The following C21orf58 variants were observed in gnomAD, a reference collection of about 807,000 sequenced individuals.
C21orf58 encodes the protein chromosome 21 open reading frame 58.
C21orf58 carries 34 observed loss-of-function variants against 35.8 expected under a neutral mutation model. The observed-to-expected ratio is 0.95, with a 90% CI of 0.72 to 1.26. C21orf58 has a LOEUF of 1.26. Among genes scored for constraint, C21orf58 ranks in the 50% most tolerant of loss-of-function variants. The probability of loss-of-function intolerance (pLI) is 0.00; values close to 1 mark genes in which losing one functional copy is unlikely to be tolerated. For synonymous variants in C21orf58, 191 were observed against 175.8 expected, an observed-to-expected ratio of 1.09 and a Z score of -0.68; for missense variants, 440 against 414.3, an observed-to-expected ratio of 1.06 and a Z score of -0.54.
At chr21:46,300,982 G>T, downstream of C21orf58, 1 of 780,226 alleles carries the variant, frequency 1.3e-6, no homozygotes. Context: ...TGAGGGGAGT[G>T]AGCCGCCCTT....
In C21orf58 at chr21:46,318,659, G is replaced by T. The variant is rs139837262; in HGVS notation, c.101-439C>A. On this transcript the variant is annotated intron_variant, in intron 1 of 7. Transcript: ENST00000291691. The stretch of plus-strand genomic sequence containing the variant: ...AGACACTGGGAGGACAGGGTGAGGA[G>T]ACTGCCTACCAAGGAGTTCAGGAAA... 1,029 of 1,072,192 alleles carry T rather than the reference G, an allele frequency of 9.6e-4. 8 individuals carry two copies. Among genetic ancestry groups the T allele is most frequent in the Middle Eastern group, 8.0e-3 (18 of 2,252 alleles). 66.4% of individuals were successfully genotyped at this position (1,072,192 alleles called of 1,614,324 possible).
In C21orf58 at chr21:46,323,671, C is replaced by G. The variant is rs76328736; in HGVS notation, c.-933G>C. 1 of 174,628 alleles carries G rather than the reference C, an allele frequency of 5.7e-6. No individual in the cohort carries two copies. The highest frequency in any genetic ancestry group is 1.2e-5 in the Non-Finnish European group (1 of 81,250). 10.8% of individuals were successfully genotyped at this position (174,628 alleles called of 1,614,324 possible). On this transcript the variant is annotated 5_prime_UTR_variant, in exon 1 of 8. Transcript: ENST00000291691. Reference sequence around the variant, plus strand: ...CCCCTGAGATCCACCTCAGCAGCCTCCTCCGTGGTAGGCCTCAACTTCCCG... The same window carrying G: ...CCCCTGAGATCCACCTCAGCAGCCTGCTCCGTGGTAGGCCTCAACTTCCCG...
Position 46,302,583 on chromosome 21 carries a change from G to A in C21orf58, c.722-7C>T, listed in dbSNP as rs376361315. On this transcript the variant is annotated splice_polypyrimidine_tract_variant and splice_region_variant and intron_variant, in intron 6 of 7. Transcript: ENST00000291691. ...AGCAGCAGCTCCACCATGTCTGCAG[G>A]GAAGAAGCAGGGGGACCCTGAATAA... The A allele has an allele frequency of 3.4e-5, 54 of 1,606,136 alleles. No individual in the cohort carries two copies. In the African/African-American group the frequency reaches 6.3e-4, roughly 19 times the overall value.
intron 7 of C21orf58, 149 bp downstream of exon 7, chr21:46,302,336 G>C: frequency 8.8e-7 from 1 of 1,136,934 alleles, no homozygotes; most frequent in Non-Finnish European, 1.2e-6. Context: ...TCTGGGCTGG[G>C]ACTCGATGGG....
At position 46,322,817 on chromosome 21, in the gene C21orf58, G is replaced by A; in HGVS notation, c.-79C>T. On this transcript the variant is annotated 5_prime_UTR_variant, in exon 1 of 8. Coordinates refer to ENST00000291691, the MANE Select transcript of C21orf58 (RefSeq NM_058180.5). The stretch of plus-strand genomic sequence containing the variant: ...TCTGAGCGAGATTCCAGGGCTTCCT[G>A]AGGGCGCGTTTAAGTTGCAGTTGCT... The A allele has an allele frequency of 9.7e-7, 1 of 1,027,644 alleles. No individual in the cohort carries two copies. Among genetic ancestry groups the A allele is most frequent in the Non-Finnish European group, 1.3e-6 (1 of 760,380 alleles). 63.7% of individuals were successfully genotyped at this position (1,027,644 alleles called of 1,614,324 possible). A position where few individuals can be genotyped will look rare whatever the true frequency, so the allele number is the denominator to read the frequency against.
At chr21:46,318,573 C>T (rs1277317559) in intron 1 of C21orf58, 22 of 1,186,318 alleles carry the variant, frequency 1.9e-5, no homozygotes, top group Non-Finnish European at 2.3e-5. Context: ...TGTACTGCCT[C>T]CAGGGTGTTA....
rs892273978 is a variant in C21orf58, at chr21:46,302,123, C to T, written c.845G>A (p.Arg282Gln). Residue 282 changes from arginine (R) to glutamine (Q), a missense_variant, in exon 8 of 8, where the codon CGA (arginine) becomes CAA (glutamine). Arg to Gln is a conservative substitution (Grantham distance 43). Coordinates refer to ENST00000291691, the MANE Select transcript of C21orf58 (RefSeq NM_058180.5). ...DPPHVPPRVP[R>Q]AARPRLPAVH... ...GGCAGGCAGCCTTGGCCTGGCAGCT[C>T]GTGGGACCCTCGGGGGCACATGTGG... 33 of 1,519,714 alleles carry T rather than the reference C, an allele frequency of 2.2e-5. No individual in the cohort carries two copies. The highest frequency in any genetic ancestry group is 5.6e-5 in the African/African-American group (4 of 72,014). 94.1% of individuals were successfully genotyped at this position (1,519,714 alleles called of 1,614,324 possible).
At chr21:46,309,121 C>G (rs1007326917) in intron 6 of C21orf58, among the ~76,000 whole-genome samples, 4 of 152,082 alleles carry the variant, frequency 2.6e-5, no homozygotes, top group Non-Finnish European at 5.9e-5. Context: ...GAGTTCGAGA[C>G]CAGTCTGGCC....
In C21orf58 at chr21:46,311,453, T is replaced by C; in HGVS notation, c.721+3A>G. On this transcript the variant is annotated splice_donor_region_variant and intron_variant, in intron 6 of 7. Transcript: ENST00000291691. ...CACAACAATATGAATATGGAACACT[T>C]ACCTTCCTTAATACTTCCTGACCGT... 1 of 1,540,714 alleles carries C rather than the reference T, an allele frequency of 6.5e-7. No individual in the cohort carries two copies. Among genetic ancestry groups the C allele is most frequent in the South Asian group, 1.2e-5 (1 of 85,254 alleles).
At chr21:46,321,766 A>G (rs534758641) in intron 1 of C21orf58, among the ~76,000 whole-genome samples, 17 of 151,864 alleles carry the variant, frequency 1.1e-4, no homozygotes, top group African/African-American at 4.1e-4. Flanking sequence ...TTTTCTCCAC[A>G]ATAAAGTGGC....
chr21:46,318,737 GC>G (rs1216703850), intron 1 of C21orf58: 1 of 1,000,362 alleles, frequency 1.0e-6, no homozygotes, highest in Non-Finnish European at 1.2e-6. Context: ...CTGCAGAGGG[GC>G]TGGGCTTTAG....
chr21:46,304,314 G>A (rs187925128), intron 6 of C21orf58, among the ~76,000 whole-genome samples: 22 of 152,120 alleles, frequency 1.4e-4, no homozygotes, highest in African/African-American at 5.3e-4. Flanking sequence ...ACAGGCGTGA[G>A]CCACTGCGCC....
chr21:46,322,743 C>A lies in C21orf58; in HGVS notation c.-5G>T. The A allele has an allele frequency of 6.7e-7, 1 of 1,493,050 alleles. No homozygotes were observed. The highest frequency in any genetic ancestry group is 9.0e-7 in the Non-Finnish European group (1 of 1,115,600). The allele number at this position is 1,493,050 out of a possible 1,614,324, so 92.5% of individuals were successfully genotyped here. A position where few individuals can be genotyped will look rare whatever the true frequency, so the allele number is the denominator to read the frequency against. On this transcript the variant is annotated 5_prime_UTR_variant, in exon 1 of 8. Coordinates refer to ENST00000291691, the MANE Select transcript of C21orf58 (RefSeq NM_058180.5). ...AGGGAGCCGAGATCGCGCCATTGCG[C>A]TATAGCCTGGGCGTCGCAGCGAGAC...
At position 46,301,148 on chromosome 21, in the gene C21orf58, T is replaced by C. The variant is rs1284434260; in HGVS notation, c.*851A>G. 2.3e-5 allele frequency: 19 copies of C among 813,470 alleles called. No individual in the cohort carries two copies. The highest frequency in any genetic ancestry group is 6.5e-5 in the African/African-American group (1 of 15,326). 50.4% of individuals were successfully genotyped at this position (813,470 alleles called of 1,614,324 possible). A position where few individuals can be genotyped will look rare whatever the true frequency, so the allele number is the denominator to read the frequency against. Reference sequence around the variant, plus strand: ...ACACAGCTTGCTTCTTTCACTTTTTTATTTTATTTTTGAGACAGGGGCCTG... The same window carrying C: ...ACACAGCTTGCTTCTTTCACTTTTTCATTTTATTTTTGAGACAGGGGCCTG... On this transcript the variant is annotated 3_prime_UTR_variant, in exon 8 of 8. Transcript: ENST00000291691.
chr21:46,302,100 C>T lies in C21orf58; in HGVS notation c.868G>A (p.Ala290Thr), dbSNP rs1170782039. ...VPRAARPRLP[A>T]VHHHHHHHHA... ...TGGTGGTGGTGGTGGTGGTGCACGG[C>T]AGGCAGCCTTGGCCTGGCAGCTCGT... is the stretch of plus-strand genomic sequence containing the variant. The change falls in exon 8 of 8, where the codon GCC (alanine) becomes ACC (threonine). Residue 290 changes from alanine to threonine, a missense_variant. Physicochemically the swap from Ala to Thr is moderately conservative, Grantham distance 58. Coordinates refer to ENST00000291691, the MANE Select transcript of C21orf58 (RefSeq NM_058180.5). 2 of 1,532,018 alleles carry T rather than the reference C, an allele frequency of 1.3e-6. No individual in the cohort carries two copies. The highest frequency in any genetic ancestry group is 1.8e-6 in the Non-Finnish European group (2 of 1,139,252). 94.9% of individuals were successfully genotyped at this position (1,532,018 alleles called of 1,614,324 possible).
intron 3 of C21orf58, among the ~76,000 whole-genome samples, chr21:46,316,519 G>C (rs2082983347): frequency 6.6e-6 from 1 of 152,188 alleles, no homozygotes. Context: ...GCTCCGGAAG[G>C]TGGGGGGCAG....
chr21:46,314,784 TG>T lies in C21orf58; in HGVS notation c.540del (p.Thr181ArgfsTer41). Reference sequence around the variant, plus strand: ...GGGGAGGCAGTGGGTAGGATGCCCGTGGGGGGCAGCTCTGGGGGCAGGGCTG... The same window carrying T: ...GGGGAGGCAGTGGGTAGGATGCCCGTGGGGGCAGCTCTGGGGGCAGGGCTG... ...LGSALPPELP[P>X]TGILPTASPS... On this transcript the variant is annotated frameshift_variant, in exon 5 of 8. Transcript: ENST00000291691. LOFTEE classifies it high-confidence loss of function. 4 of 1,530,190 alleles carry T rather than the reference TG, an allele frequency of 2.6e-6. No individual in the cohort carries two copies. The highest frequency in any genetic ancestry group is 2.5e-5 in the East Asian group (1 of 40,490). The allele number at this position is 1,530,190 out of a possible 1,614,324, so 94.8% of individuals were successfully genotyped here. A position where few individuals can be genotyped will look rare whatever the true frequency, so the allele number is the denominator to read the frequency against.
Position 46,311,608 on chromosome 21 carries a change from GA to G in C21orf58, c.610-42del, listed in dbSNP as rs533135014. ...TGATTAGCTATCTGCATATGTCCTT[GA>G]AGAAAGTGTCTCCAGTATCTACCAC... is the stretch of plus-strand genomic sequence containing the variant. On this transcript the variant is annotated intron_variant, in intron 5 of 7. Coordinates refer to ENST00000291691, the MANE Select transcript of C21orf58 (RefSeq NM_058180.5). 514 of 1,268,196 alleles carry G rather than the reference GA, an allele frequency of 4.1e-4. 3 individuals carry two copies. In the Middle Eastern group the frequency reaches 4.9e-3, roughly 12 times the overall value. 78.6% of individuals were successfully genotyped at this position (1,268,196 alleles called of 1,614,324 possible).
intron 1 of C21orf58, chr21:46,318,618 G>A (rs1379601552): frequency 1.4e-5 from 16 of 1,104,440 alleles, no homozygotes; most frequent in Non-Finnish European, 1.8e-5. Context: ...GAGCAAGCAG[G>A]GAAGACAGGG....
Sources: allele counts gnomAD v4.1 joint callset (sites outside exome capture counted in the v4.1 genomes callset), GRCh38; gene constraint gnomAD v4.1.1; transcripts MANE v1.5; gene names NCBI Gene and HGNC (gene_info 2026-07-23, HGNC 2026-07-21).